The following BABAM2 variants were observed in gnomAD, a reference collection of about 807,000 sequenced individuals.
BABAM2 encodes BRISC and BRCA1 A complex member 2.
BABAM2 carries 31 observed loss-of-function variants against 54.7 expected under a neutral mutation model. The observed-to-expected ratio is 0.57, with a 90% CI of 0.43 to 0.77. The LOEUF (loss-of-function observed/expected upper bound fraction) is 0.77. Ranked by LOEUF, BABAM2 falls within the 30% of genes least tolerant of loss-of-function variation. BABAM2 has a pLI of 0.00. For synonymous variants in BABAM2, 167 were observed against 162.9 expected, an observed-to-expected ratio of 1.03 and a Z score of -0.19; for missense variants, 364 against 455.8, an observed-to-expected ratio of 0.80 and a Z score of 1.83.
chr2:28,207,513 C>A (rs1237815435), intron 7 of BABAM2, among the ~76,000 whole-genome samples: 4 of 152,106 alleles, frequency 2.6e-5, no homozygotes, highest in Non-Finnish European at 5.9e-5. Context: ...CCACTGCACA[C>A]CAGCCTGGAT....
intron 11 of BABAM2, among the ~76,000 whole-genome samples, chr2:28,321,924 A>G (rs1690052015): frequency 6.6e-6 from 1 of 151,206 alleles, no homozygotes; most frequent in African/African-American, 2.4e-5. Context: ...CCAAATATTT[A>G]TTCTGATAAA....
At chr2:27,924,549 A>G (rs181275701) in intron 2 of BABAM2, among the ~76,000 whole-genome samples, 1 of 151,910 alleles carries the variant, frequency 6.6e-6, no homozygotes, top group African/African-American at 2.4e-5. Flanking sequence ...ACACCTGGCT[A>G]ATTTTTGTAT....
intron 6 of BABAM2, among the ~76,000 whole-genome samples, chr2:28,048,569 G>A (rs1195132799): frequency 6.6e-6 from 1 of 152,146 alleles, no homozygotes; most frequent in African/African-American, 2.4e-5. Context: ...TAGACCAGAT[G>A]AGAAATTTCA....
intron 8 of BABAM2, among the ~76,000 whole-genome samples, chr2:28,239,129 A>G (rs974312875): frequency 2.0e-5 from 3 of 152,224 alleles, no homozygotes; most frequent in African/African-American, 7.2e-5. Flanking sequence ...AAACAAAGCC[A>G]CTTAAGCAAA....
chr2:28,109,543 A>C (rs1336347902), intron 6 of BABAM2, among the ~76,000 whole-genome samples: 1 of 152,112 alleles, frequency 6.6e-6, no homozygotes, highest in Non-Finnish European at 1.5e-5. Context: ...ATAGGCTGTC[A>C]ACCGCTGAAT....
chr2:28,127,947 C>T (rs1338957393), intron 6 of BABAM2, among the ~76,000 whole-genome samples: 1 of 152,016 alleles, frequency 6.6e-6, no homozygotes, highest in Admixed American at 6.6e-5. Context: ...GCTGGGACTA[C>T]AGGTGCCCAC....
At chr2:27,985,057 A>ATGTGTGTGTGTGTGTG (rs35552031) in intron 3 of BABAM2, among the ~76,000 whole-genome samples, 96 of 137,512 alleles carry the variant, frequency 7.0e-4, no homozygotes, top group African/African-American at 2.5e-3. Context: ...GTATTCCATG[A>ATGTGTGTGTGTGTGTG]TGTGTGTGTG....
chr2:28,111,907 G>A (rs1264444562), intron 6 of BABAM2, among the ~76,000 whole-genome samples: 1 of 151,120 alleles, frequency 6.6e-6, no homozygotes, highest in Non-Finnish European at 1.5e-5. Flanking sequence ...TGGTCCTCCT[G>A]TCTCTACACA....
chr2:28,232,688 CAT>C (rs1681524288), intron 7 of BABAM2, among the ~76,000 whole-genome samples: 2 of 152,128 alleles, frequency 1.3e-5, no homozygotes, highest in Admixed American at 1.3e-4. Context: ...CATATCTAAA[CAT>C]AGGAAAAGGA....
chr2:27,994,444 C>T (rs763356178), intron 4 of BABAM2, among the ~76,000 whole-genome samples: 2 of 152,162 alleles, frequency 1.3e-5, no homozygotes, highest in African/African-American at 4.8e-5. Flanking sequence ...TTTCCAACAT[C>T]CAGAAGCCTC....
chr2:28,127,925 G>C (rs1351965258), intron 6 of BABAM2, among the ~76,000 whole-genome samples: 1 of 151,466 alleles, frequency 6.6e-6, no homozygotes, highest in Non-Finnish European at 1.5e-5. Context: ...TCCTGCCTCA[G>C]CGTCCCAAGC....
chr2:28,002,413 A>T (rs1418320806), intron 4 of BABAM2, among the ~76,000 whole-genome samples: 1 of 152,190 alleles, frequency 6.6e-6, no homozygotes, highest in African/African-American at 2.4e-5. Context: ...TGTTTCACAG[A>T]TGTTGATTTT....
chr2:28,331,276 C>T (rs532122240), intron 11 of BABAM2, among the ~76,000 whole-genome samples: 1 of 152,114 alleles, frequency 6.6e-6, no homozygotes, highest in African/African-American at 2.4e-5. Context: ...GATTTCATGA[C>T]AAAAACGTCA....
At chr2:28,149,923 A>G (rs1671861372) in intron 7 of BABAM2, among the ~76,000 whole-genome samples, 1 of 152,208 alleles carries the variant, frequency 6.6e-6, no homozygotes, top group East Asian at 1.9e-4. Context: ...GCCTCCAGGT[A>G]TTCATCTTGA....
chr2:28,122,921 G>GT lies in BABAM2; in HGVS notation c.571-6341dup, dbSNP rs571853245. ...TTGGCGATACATAGTTCAGACTTGA[G>GT]TTTTTTTTTAAATAAAATCTTAAGC... On this transcript the variant is annotated intron_variant, in intron 6 of 11. Transcript: ENST00000379624. 6.9e-3 allele frequency among the ~76,000 whole-genome samples: 1,050 copies of GT among 151,632 alleles called. 9 individuals are homozygous for GT. Among genetic ancestry groups the GT allele is most frequent in the Non-Finnish European group, 0.013 (858 of 67,864 alleles).
chr2:28,223,526 G>C (rs1344138488), intron 7 of BABAM2, among the ~76,000 whole-genome samples: 1 of 152,164 alleles, frequency 6.6e-6, no homozygotes. Context: ...TCCCTTCATT[G>C]TTCACCGCCT....
chr2:28,249,640 T>C (rs1683258034), intron 10 of BABAM2, among the ~76,000 whole-genome samples: 1 of 152,208 alleles, frequency 6.6e-6, no homozygotes. Flanking sequence ...GAGGCTCATA[T>C]GTTATATGTC....
intron 10 of BABAM2, among the ~76,000 whole-genome samples, chr2:28,272,999 C>T (rs1685556005): frequency 6.6e-6 from 1 of 152,158 alleles, no homozygotes; most frequent in Non-Finnish European, 1.5e-5. Context: ...AGCCAGTCTT[C>T]TGGAATGCCG....
intron 10 of BABAM2, among the ~76,000 whole-genome samples, chr2:28,255,351 G>A (rs1683881661): frequency 6.6e-6 from 1 of 152,102 alleles, no homozygotes; most frequent in African/African-American, 2.4e-5. Context: ...TCAGCTCACT[G>A]CAACTTCAGC....
Sources: gnomAD v4.1 joint callset for allele counts (sites outside exome capture counted in the v4.1 genomes callset) on GRCh38, gnomAD v4.1.1 for gene constraint, MANE v1.5 for transcripts, NCBI Gene and HGNC (gene_info 2026-07-23, HGNC 2026-07-21) for gene names.